The following SEMA5A variants were observed in gnomAD, a reference collection of about 807,000 sequenced individuals.
The protein encoded by SEMA5A is semaphorin 5A.
A neutral mutation model predicts 135.5 loss-of-function variants in SEMA5A; 55 were observed. That is an observed-to-expected ratio of 0.41 (90% CI 0.33 to 0.51). The LOEUF (loss-of-function observed/expected upper bound fraction) is 0.51. Among genes scored for constraint, SEMA5A ranks in the 20% least tolerant of loss-of-function variants. The pLI, the probability that SEMA5A is intolerant of heterozygous loss-of-function variation, is 0.37. For missense variants in SEMA5A, 1,290 were observed against 1,419.9 expected (o/e 0.91, Z 1.47); for synonymous variants, 580 against 546.5 (o/e 1.06, Z -0.85).
At chr5:9,477,804 A>G (rs1244381146) in intron 1 of SEMA5A, among the ~76,000 whole-genome samples, 1 of 152,244 alleles carries the variant, frequency 6.6e-6, no homozygotes, top group East Asian at 1.9e-4. Context: ...AGATTGGAAA[A>G]TTTGCAGTCT....
At chr5:9,115,894 T>C (rs1158630550) in intron 15 of SEMA5A, among the ~76,000 whole-genome samples, 2 of 152,216 alleles carry the variant, frequency 1.3e-5, no homozygotes, top group Non-Finnish European at 1.5e-5. Flanking sequence ...TTTGTGATTA[T>C]GTTACATAAG....
chr5:9,096,614 A>G (rs200307349), intron 16 of SEMA5A, among the ~76,000 whole-genome samples: 1 of 150,000 alleles, frequency 6.7e-6, no homozygotes, highest in South Asian at 2.1e-4. Flanking sequence ...TTCTTTATCC[A>G]TTCATCTATT....
At chr5:9,373,430 C>T (rs1579432797) in intron 3 of SEMA5A, among the ~76,000 whole-genome samples, 1 of 152,254 alleles carries the variant, frequency 6.6e-6, no homozygotes, top group South Asian at 2.1e-4. Context: ...ACCCCCTAGC[C>T]CAGTCCCGGT....
intron 2 of SEMA5A, among the ~76,000 whole-genome samples, chr5:9,433,143 ATT>A (rs1757914690): frequency 6.6e-6 from 1 of 152,102 alleles, no homozygotes; most frequent in Admixed American, 6.6e-5. Context: ...TTGGGGATTG[ATT>A]TTTTTCAGTG....
chr5:9,123,258 C>CAAAAAAAAAAAAAAAAAAAAAAAAA (rs57533658), intron 13 of SEMA5A, among the ~76,000 whole-genome samples: 1 of 38,926 alleles, frequency 2.6e-5, no homozygotes, highest in African/African-American at 6.5e-5. Flanking sequence ...GACTCCGCCT[C>CAAAAAAAAAAAAAAAAAAAAAAAAA]AAAAAAAAAA....
At chr5:9,490,456 A>AT (rs1288748462) in intron 1 of SEMA5A, among the ~76,000 whole-genome samples, 1 of 152,162 alleles carries the variant, frequency 6.6e-6, no homozygotes, top group Non-Finnish European at 1.5e-5. Flanking sequence ...TGAAAAAAAA[A>AT]TTTTAATAAT....
At chr5:9,233,215 T>C (rs1747726961) in intron 6 of SEMA5A, among the ~76,000 whole-genome samples, 1 of 152,246 alleles carries the variant, frequency 6.6e-6, no homozygotes, top group African/African-American at 2.4e-5. Context: ...AATAATCAGC[T>C]GTGTTTCCTT....
chr5:9,406,737 C>T (rs959435213), intron 2 of SEMA5A, among the ~76,000 whole-genome samples: 3 of 152,134 alleles, frequency 2.0e-5, no homozygotes, highest in African/African-American at 7.2e-5. Flanking sequence ...AATCATAAAA[C>T]ATCTGTAAGT....
intron 1 of SEMA5A, among the ~76,000 whole-genome samples, chr5:9,493,160 G>A (rs549887637): frequency 6.6e-6 from 1 of 151,962 alleles, no homozygotes; most frequent in South Asian, 2.1e-4. Context: ...CAATTTTGCT[G>A]TTAACCTAAA....
At chr5:9,529,408 G>T (rs1044246204) in intron 1 of SEMA5A, among the ~76,000 whole-genome samples, 1 of 152,242 alleles carries the variant, frequency 6.6e-6, no homozygotes, top group Non-Finnish European at 1.5e-5. Flanking sequence ...AGCGTGACCT[G>T]CCCTGCCTGG....
chr5:9,115,535 A>G (rs886783179), intron 15 of SEMA5A, among the ~76,000 whole-genome samples: 3 of 152,210 alleles, frequency 2.0e-5, no homozygotes, highest in Middle Eastern at 3.2e-3. Flanking sequence ...AGTGGCAGAT[A>G]ACTTCTCCCT....
intron 1 of SEMA5A, among the ~76,000 whole-genome samples, chr5:9,497,822 T>G (rs564208543): frequency 3.7e-4 from 56 of 152,342 alleles, no homozygotes; most frequent in African/African-American, 1.3e-3. Context: ...TTCCTAAAAC[T>G]GCACATTTCC....
At chr5:9,050,855 C>T (rs888155384) in intron 20 of SEMA5A, among the ~76,000 whole-genome samples, 6 of 152,194 alleles carry the variant, frequency 3.9e-5, no homozygotes, top group Admixed American at 1.3e-4. Context: ...GTCACCTTCC[C>T]GGCAGAGGGA....
chr5:9,284,676 A>C (rs1258122741), intron 5 of SEMA5A, among the ~76,000 whole-genome samples: 15 of 152,202 alleles, frequency 9.9e-5, no homozygotes, highest in Admixed American at 9.8e-4. Flanking sequence ...ATCACAAATG[A>C]AACAAAATCC....
At chr5:9,308,564 CTG>C (rs1204799744) in intron 5 of SEMA5A, among the ~76,000 whole-genome samples, 2 of 152,132 alleles carry the variant, frequency 1.3e-5, no homozygotes, top group South Asian at 2.1e-4. Flanking sequence ...CTATCTCAGA[CTG>C]TGTTTCCAGG....
At chr5:9,125,901 A>T (rs1221807251) in intron 13 of SEMA5A, among the ~76,000 whole-genome samples, 1 of 151,742 alleles carries the variant, frequency 6.6e-6, no homozygotes, top group Non-Finnish European at 1.5e-5. Context: ...CAGCCAAAAG[A>T]CTCCTGTGTC....
chr5:9,446,828 C>T (rs1758452011), intron 1 of SEMA5A, among the ~76,000 whole-genome samples: 1 of 152,082 alleles, frequency 6.6e-6, no homozygotes, highest in Admixed American at 6.6e-5. Context: ...ACTCTTGTTA[C>T]TTAACTATCT....
intron 8 of SEMA5A, among the ~76,000 whole-genome samples, chr5:9,220,406 A>G (rs1191174579): frequency 6.6e-6 from 1 of 152,170 alleles, no homozygotes; most frequent in African/African-American, 2.4e-5. Context: ...TGGGAATCCA[A>G]GTAACCAAAA....
intron 13 of SEMA5A, among the ~76,000 whole-genome samples, 186 bp downstream of exon 13, chr5:9,136,318 T>C (rs1446226446): frequency 6.6e-6 from 1 of 152,182 alleles, no homozygotes; most frequent in Non-Finnish European, 1.5e-5. Flanking sequence ...AAAAAACCTA[T>C]AACAGCATTC....
Sources: gnomAD v4.1 joint callset for allele counts (sites outside exome capture counted in the v4.1 genomes callset) on GRCh38, gnomAD v4.1.1 for gene constraint, MANE v1.5 for transcripts, NCBI Gene and HGNC (gene_info 2026-07-23, HGNC 2026-07-21) for gene names.